The following ROR1 variants were observed in gnomAD, a reference collection of about 807,000 sequenced individuals.
ROR1 encodes the protein ROR family WNT receptor 1.
Under a neutral mutation model 78.8 loss-of-function variants are expected in ROR1, and 19 were observed. The ratio of observed to expected loss-of-function variants is 0.24; its 90% CI spans 0.17 to 0.35. The LOEUF (loss-of-function observed/expected upper bound fraction) is 0.35. Among genes scored for constraint, ROR1 ranks in the 10% least tolerant of loss-of-function variants. The pLI, the probability that ROR1 is intolerant of heterozygous loss-of-function variation, is 1.00. For synonymous variants in ROR1, 386 were observed against 433.6 expected, an observed-to-expected ratio of 0.89 and a Z score of 1.36; for missense variants, 917 against 1,177.8, an observed-to-expected ratio of 0.78 and a Z score of 3.24.
chr1:63,893,031 A>G (rs967622925), intron 1 of ROR1, among the ~76,000 whole-genome samples: 2 of 152,110 alleles, frequency 1.3e-5, no homozygotes, highest in Non-Finnish European at 2.9e-5. Context: ...TTTAAAGATG[A>G]GTTCATTTCT....
chr1:64,001,100 A>G (rs1287532353), intron 1 of ROR1, among the ~76,000 whole-genome samples: 1 of 152,236 alleles, frequency 6.6e-6, no homozygotes, highest in East Asian at 1.9e-4. Context: ...AAATGTTTGC[A>G]GCGAATGGTT....
At chr1:64,067,256 G>A (rs1188284871) in intron 4 of ROR1, among the ~76,000 whole-genome samples, 1 of 151,794 alleles carries the variant, frequency 6.6e-6, no homozygotes, top group East Asian at 1.9e-4. Flanking sequence ...AGGCTGATGT[G>A]GGAGGATCAT....
At chr1:63,953,993 G>T (rs568510090) in intron 1 of ROR1, among the ~76,000 whole-genome samples, 6 of 152,258 alleles carry the variant, frequency 3.9e-5, no homozygotes, top group Non-Finnish European at 5.9e-5. Flanking sequence ...CTCTAGATTT[G>T]GAGAATACAG....
chr1:63,911,523 T>C (rs1645569764), intron 1 of ROR1, among the ~76,000 whole-genome samples: 1 of 151,986 alleles, frequency 6.6e-6, no homozygotes, highest in Non-Finnish European at 1.5e-5. Flanking sequence ...GTGTGATCCT[T>C]ATGAGAATCT....
At chr1:64,068,544 A>G (rs537281356) in intron 4 of ROR1, among the ~76,000 whole-genome samples, 2 of 152,282 alleles carry the variant, frequency 1.3e-5, no homozygotes, top group Non-Finnish European at 1.5e-5. Flanking sequence ...TTGCACATAT[A>G]TATGAAATGA....
intron 1 of ROR1, among the ~76,000 whole-genome samples, chr1:63,951,009 A>C (rs1381482700): frequency 6.6e-6 from 1 of 152,210 alleles, no homozygotes; most frequent in East Asian, 1.9e-4. Context: ...TAGCAAATTC[A>C]AAAATAACAT....
chr1:63,826,881 T>G (rs146892503), intron 1 of ROR1, among the ~76,000 whole-genome samples: 13 of 152,222 alleles, frequency 8.5e-5, no homozygotes, highest in Admixed American at 3.3e-4. Flanking sequence ...GGTTTTGACT[T>G]GCATTTTTCT....
intron 4 of ROR1, among the ~76,000 whole-genome samples, chr1:64,132,060 A>G (rs1457495076): frequency 6.6e-6 from 1 of 152,180 alleles, no homozygotes; most frequent in Admixed American, 6.5e-5. Flanking sequence ...GTTACTTCTT[A>G]TTCCTCCCTG....
At chr1:64,134,548 T>C (rs551442667) in intron 4 of ROR1, among the ~76,000 whole-genome samples, 1 of 152,232 alleles carries the variant, frequency 6.6e-6, no homozygotes, top group African/African-American at 2.4e-5. Context: ...CCTAACACAG[T>C]ACCCAGCCCA....
intron 4 of ROR1, among the ~76,000 whole-genome samples, chr1:64,073,135 C>T (rs1321446908): frequency 6.6e-6 from 1 of 152,170 alleles, no homozygotes; most frequent in African/African-American, 2.4e-5. Context: ...TGAACCCCTA[C>T]TTTGCTTAGC....
In ROR1 at chr1:64,033,809, CT is replaced by C. The variant is rs1244868968; in HGVS notation, c.164-15879del. Among the ~76,000 whole-genome samples, 5 of 152,276 alleles carry C rather than the reference CT, an allele frequency of 3.3e-5. No individual in the cohort carries two copies. In the East Asian group the frequency reaches 5.8e-4, roughly 18 times the overall value. On this transcript the variant is annotated intron_variant, in intron 2 of 8. Transcript: ENST00000371079. ...CATGTGCCAAACACTTTCCTAAGTG[CT>C]TTATACACTTTATCTCATTTAATCC...
At chr1:63,994,938 G>A (rs189199242) in intron 1 of ROR1, among the ~76,000 whole-genome samples, 1 of 152,348 alleles carries the variant, frequency 6.6e-6, no homozygotes, top group Non-Finnish European at 1.5e-5. Flanking sequence ...CTGAAATGCT[G>A]ATAGCTGTGG....
At chr1:64,155,726 G>A (rs1043989541) in intron 7 of ROR1, among the ~76,000 whole-genome samples, 1 of 152,172 alleles carries the variant, frequency 6.6e-6, no homozygotes, top group Admixed American at 6.5e-5. Context: ...CTGGAAAAAT[G>A]ACTAGCATTG....
chr1:64,117,798 C>T (rs1178886488), intron 4 of ROR1, among the ~76,000 whole-genome samples: 1 of 152,214 alleles, frequency 6.6e-6, no homozygotes, highest in African/African-American at 2.4e-5. Flanking sequence ...CACTGGTTCT[C>T]CTGTACAAAT....
rs1553130578 is a variant in ROR1, at chr1:63,774,803, TG to T, written c.91+300del. Reference sequence around the variant, plus strand: ...GAAGCGTGGAGGGGTTTGAGGGTCCTGGGGGTGATCGGGGCACTTCTGTGCA... The same window carrying T: ...GAAGCGTGGAGGGGTTTGAGGGTCCTGGGGTGATCGGGGCACTTCTGTGCA... On this transcript the variant is annotated intron_variant, in intron 1 of 8. Coordinates refer to ENST00000371079, the MANE Select transcript of ROR1 (RefSeq NM_005012.4). The surrounding 1 kb of genome is among the most constrained non-coding windows in gnomAD (Gnocchi z 5.7). Among the ~76,000 whole-genome samples the T allele has an allele frequency of 1.3e-5, 2 of 151,948 alleles. No individual in the cohort carries two copies. Among genetic ancestry groups the T allele is most frequent in the Non-Finnish European group, 1.5e-5 (1 of 67,940 alleles).
intron 2 of ROR1, among the ~76,000 whole-genome samples, chr1:64,036,830 CAG>C (rs1186580219): frequency 2.6e-5 from 4 of 152,186 alleles, no homozygotes; most frequent in Admixed American, 1.3e-4. Context: ...GATTCTTGTG[CAG>C]AGTCTCTCAT....
chr1:63,843,114 G>A (rs1645059162), intron 1 of ROR1: 1 of 639,798 alleles, frequency 1.6e-6, no homozygotes, highest in South Asian at 1.7e-5. Context: ...TCTGGTCTGG[G>A]AGGAAGGGGA....
At chr1:63,980,741 T>C (rs1646203590) in intron 1 of ROR1, among the ~76,000 whole-genome samples, 1 of 152,218 alleles carries the variant, frequency 6.6e-6, no homozygotes, top group Non-Finnish European at 1.5e-5. Context: ...GGATGGAAGA[T>C]GGCCTTAGCC....
intron 5 of ROR1, 71 bp downstream of exon 5, chr1:64,137,567 T>G: frequency 6.8e-7 from 1 of 1,472,566 alleles, no homozygotes; most frequent in African/African-American, 1.4e-5. Context: ...TTTATTGAGC[T>G]CCTCTCTTGA....
Sources: allele counts gnomAD v4.1 joint callset (sites outside exome capture counted in the v4.1 genomes callset), GRCh38; gene constraint gnomAD v4.1.1; non-coding constraint Gnocchi (gnomAD v3.1); transcripts MANE v1.5; gene names NCBI Gene and HGNC (gene_info 2026-07-23, HGNC 2026-07-21).